GSE1: variants seen among roughly 807,000 people sequenced by gnomAD.
The protein encoded by GSE1 is Gse1 coiled-coil protein.
A neutral mutation model predicts 112.6 loss-of-function variants in GSE1; 32 were observed. The ratio of observed to expected loss-of-function variants is 0.28; its 90% CI spans 0.21 to 0.38. The LOEUF is 0.38. Among genes scored for constraint, GSE1 ranks in the 10% least tolerant of loss-of-function variants. The pLI is 1.00. For synonymous variants in GSE1, 1,115 were observed against 735.6 expected (o/e 1.52, Z -8.35); for missense variants, 2,348 against 1,699.2 (o/e 1.38, Z -6.71).
intron 3 of GSE1, among the ~76,000 whole-genome samples, chr16:85,654,006 C>T (rs2051677243): frequency 6.6e-6 from 1 of 152,238 alleles, no homozygotes; most frequent in East Asian, 1.9e-4. Context: ...CTGGGGGGTT[C>T]TAGTTCTTTT....
At chr16:85,209,102 A>G (rs115253075) in intron 1 of GSE1, among the ~76,000 whole-genome samples, 1,692 of 138,600 alleles carry the variant, frequency 0.012, 32 homozygotes, top group African/African-American at 0.044. Flanking sequence ...CTGCCGCGTG[A>G]TGGGGTTCGC....
chr16:85,487,833 TGCCCTTTCC>T (rs2050890688), intron 2 of GSE1, among the ~76,000 whole-genome samples: 1 of 152,206 alleles, frequency 6.6e-6, no homozygotes, highest in African/African-American at 2.4e-5. Context: ...ACGGTTAACG[TGCCCTTTCC>T]GCCTCAGTTG....
intron 2 of GSE1, among the ~76,000 whole-genome samples, chr16:85,408,012 C>T (rs1462073548): frequency 1.8e-5 from 1 of 54,860 alleles, no homozygotes; most frequent in Non-Finnish European, 3.7e-5. Context: ...CCTGGATAAT[C>T]CTCACTGTTA....
At chr16:85,522,903 A>T (rs974672340) in intron 2 of GSE1, among the ~76,000 whole-genome samples, 4 of 150,364 alleles carry the variant, frequency 2.7e-5, no homozygotes, top group African/African-American at 9.8e-5. Context: ...TGTATGTGTG[A>T]CTTTGTGTTT....
chr16:85,533,595 G>A (rs1266104466), intron 2 of GSE1, among the ~76,000 whole-genome samples: 1 of 152,128 alleles, frequency 6.6e-6, no homozygotes, highest in African/African-American at 2.4e-5. Flanking sequence ...CAGGCATGGT[G>A]GCTCATGACT....
intron 1 of GSE1, among the ~76,000 whole-genome samples, chr16:85,315,000 A>T (rs896821331): frequency 5.9e-5 from 9 of 152,218 alleles, no homozygotes; most frequent in African/African-American, 2.2e-4. Context: ...TAGTGTTTGC[A>T]ATCAGGGCCA....
chr16:85,370,433 C>T (rs758664493), intron 2 of GSE1, among the ~76,000 whole-genome samples: 13 of 152,196 alleles, frequency 8.5e-5, no homozygotes, highest in Non-Finnish European at 1.3e-4. Flanking sequence ...TCTCACAAGA[C>T]GCAGAGAACA....
At chr16:85,256,434 C>G (rs1597207273) in intron 1 of GSE1, among the ~76,000 whole-genome samples, 1 of 152,222 alleles carries the variant, frequency 6.6e-6, no homozygotes, top group Non-Finnish European at 1.5e-5. Context: ...TTAGAGTAGC[C>G]TTAGGTTTGG....
At chr16:85,224,444 T>C (rs1051273246) in intron 1 of GSE1, among the ~76,000 whole-genome samples, 9 of 151,498 alleles carry the variant, frequency 5.9e-5, no homozygotes, top group Non-Finnish European at 1.0e-4. Context: ...TGCAAATTAG[T>C]GTGGTTGGTT....
At chr16:85,515,718 C>G (rs2051910359) in intron 2 of GSE1, among the ~76,000 whole-genome samples, 1 of 151,958 alleles carries the variant, frequency 6.6e-6, no homozygotes, top group Admixed American at 6.6e-5. Flanking sequence ...CTGTGCAGAC[C>G]TGAGGTCTGA....
chr16:85,618,921 C>T (rs140617906), intron 1 of GSE1, among the ~76,000 whole-genome samples: 2,124 of 152,344 alleles, frequency 0.014, 20 homozygotes, highest in Non-Finnish European at 0.022. Flanking sequence ...GTCTCAGCCT[C>T]CCAAAGCACT....
intron 1 of GSE1, among the ~76,000 whole-genome samples, chr16:85,179,376 G>T (rs1413094147): frequency 6.6e-6 from 1 of 152,160 alleles, no homozygotes; most frequent in Non-Finnish European, 1.5e-5. Flanking sequence ...TGTATGGATG[G>T]ACCACGTTCT....
intron 2 of GSE1, among the ~76,000 whole-genome samples, chr16:85,637,426 G>A (rs980644131): frequency 6.6e-6 from 1 of 152,214 alleles, no homozygotes; most frequent in Non-Finnish European, 1.5e-5. Flanking sequence ...AGTTGGACCA[G>A]TGAGGGCCTC....
At chr16:85,310,626 G>A (rs1024586029) in intron 1 of GSE1, among the ~76,000 whole-genome samples, 2 of 152,008 alleles carry the variant, frequency 1.3e-5, no homozygotes, top group Non-Finnish European at 2.9e-5. Context: ...TGACACCTGG[G>A]CATCCTCTCT....
chr16:85,666,254 A>G lies in GSE1; in HGVS notation c.3037A>G (p.Lys1013Glu). 6.2e-7 allele frequency: 1 copy of G among 1,613,874 alleles called. No homozygotes were observed. Among genetic ancestry groups the G allele is most frequent in the Non-Finnish European group, 8.5e-7 (1 of 1,180,034 alleles). ...GTCCCACAGCACCAATGGGAAGAGC[A>G]AGCCGTGGGAGCCCTTTGTGGCAGA... ...PLSHSTNGKS[K>E]PWEPFVAEEF... The change falls in exon 13 of 16, where the codon AAG becomes GAG. Residue 1013 changes from lysine to glutamate, a missense_variant. Lys to Glu is a moderately conservative substitution (Grantham distance 56). Coordinates refer to ENST00000253458, the MANE Select transcript of GSE1 (RefSeq NM_014615.5).
chr16:85,421,396 G>C (rs1234685025), intron 2 of GSE1, among the ~76,000 whole-genome samples: 3 of 152,150 alleles, frequency 2.0e-5, no homozygotes, highest in Admixed American at 1.3e-4. Flanking sequence ...ATGCACCCCA[G>C]AAAAGAGCAC....
chr16:85,671,572 C>A, intron 15 of GSE1, among the ~76,000 whole-genome samples: 1 of 152,140 alleles, frequency 6.6e-6, no homozygotes, highest in Non-Finnish European at 1.5e-5. Context: ...TCTGACCACA[C>A]CAGTGCACTC....
upstream of GSE1, chr16:85,611,411 C>T: frequency 2.1e-6 from 2 of 960,020 alleles, no homozygotes; most frequent in African/African-American, 1.8e-5. Context: ...GCCGAGCCAC[C>T]GTGTGGTGCG....
intron 1 of GSE1, among the ~76,000 whole-genome samples, chr16:85,618,297 G>A (rs1025896765): frequency 1.3e-5 from 2 of 152,120 alleles, no homozygotes; most frequent in Non-Finnish European, 2.9e-5. Context: ...TCTGTAAGAC[G>A]AGGATGCAGA....
Sources: gnomAD v4.1 joint callset for allele counts (sites outside exome capture counted in the v4.1 genomes callset) on GRCh38, gnomAD v4.1.1 for gene constraint, MANE v1.5 for transcripts, NCBI Gene and HGNC (gene_info 2026-07-23, HGNC 2026-07-21) for gene names.